The following RTN3 variants were observed in gnomAD, a reference collection of about 807,000 sequenced individuals.
RTN3 encodes the protein reticulon-3.
A neutral mutation model predicts 77.8 loss-of-function variants in RTN3; 49 were observed. The observed-to-expected ratio is 0.63, with a 90% CI of 0.50 to 0.80. RTN3 has a LOEUF of 0.80. Among genes scored for constraint, RTN3 ranks in the 30% least tolerant of loss-of-function variants. RTN3 has a pLI of 0.00. For synonymous variants in RTN3, 464 were observed against 446.9 expected (o/e 1.04, Z -0.48); for missense variants, 1,236 against 1,211.9 (o/e 1.02, Z -0.29).
intron 1 of RTN3, among the ~76,000 whole-genome samples, chr11:63,684,933 T>C (rs1249111625): frequency 6.6e-6 from 1 of 151,360 alleles, no homozygotes; most frequent in Non-Finnish European, 1.5e-5. Context: ...ATAATTTTTG[T>C]ACTTTTACTA....
intron 3 of RTN3, among the ~76,000 whole-genome samples, chr11:63,741,191 T>TTATG (rs2013445302): frequency 6.8e-6 from 1 of 147,792 alleles, no homozygotes; most frequent in Admixed American, 6.7e-5. Flanking sequence ...TTATAGTTAT[T>TTATG]TATTTATTTA....
chr11:63,731,660 TTTTA>T lies in RTN3; in HGVS notation c.2530+10632_2530+10635del, dbSNP rs555286726. Among the ~76,000 whole-genome samples the T allele has an allele frequency of 3.1e-3, 473 of 152,260 alleles. 2 individuals carry two copies. The highest frequency in any genetic ancestry group is 0.011 in the African/African-American group (457 of 41,548). On this transcript the variant is annotated intron_variant, in intron 3 of 8. Coordinates refer to ENST00000377819, the MANE Select transcript of RTN3 (RefSeq NM_001265589.2). ...TATATAGCTTTATTTATTTTTTATT[TTTTA>T]TTTTTTTGAGATGAACTCTCGCTCT...
At chr11:63,724,328 G>A (rs1406365081) in intron 3 of RTN3, among the ~76,000 whole-genome samples, 1 of 150,180 alleles carries the variant, frequency 6.7e-6, no homozygotes, top group Non-Finnish European at 1.5e-5. Context: ...GATTACGGGC[G>A]CCTGCTACCA....
At chr11:63,686,312 T>C (rs551963316) in intron 1 of RTN3, among the ~76,000 whole-genome samples, 3 of 151,078 alleles carry the variant, frequency 2.0e-5, no homozygotes, top group Non-Finnish European at 4.4e-5. Context: ...CTACTAAAAA[T>C]ACAAAAAATT....
chr11:63,713,335 T>G (rs2011219027), intron 2 of RTN3, among the ~76,000 whole-genome samples: 1 of 152,036 alleles, frequency 6.6e-6, no homozygotes, highest in Non-Finnish European at 1.5e-5. Flanking sequence ...CACCCCCCAT[T>G]TTTTGAAACA....
At chr11:63,753,987 A>G (rs1288202818) in intron 7 of RTN3, among the ~76,000 whole-genome samples, 1 of 152,166 alleles carries the variant, frequency 6.6e-6, no homozygotes, top group East Asian at 1.9e-4. Flanking sequence ...ATGCAAAAGT[A>G]ATAAGTTGAA....
chr11:63,719,860 C>T lies in RTN3; in HGVS notation c.1358C>T (p.Ser453Phe). Residue 453 changes from serine (S) to phenylalanine (F), a missense_variant, in exon 3 of 9, where the codon TCT (serine) becomes TTT (phenylalanine). By Grantham distance (155) the Ser-to-Phe change is radical. Coordinates refer to ENST00000377819, the MANE Select transcript of RTN3 (RefSeq NM_001265589.2). ...QDDTLAELPG[S>F]PPEKCDSLGS... is the part of the protein sequence containing the mutation. ...GACACACTTGCAGAATTACCTGGAT[C>T]TCCACCTGAGAAATGTGACTCTTTG... 4.3e-6 allele frequency: 7 copies of T among 1,614,162 alleles called. No individual in the cohort carries two copies. Among genetic ancestry groups the T allele is most frequent in the Middle Eastern group, 1.6e-4 (1 of 6,062 alleles).
chr11:63,728,126 A>C (rs1027537927), intron 3 of RTN3, among the ~76,000 whole-genome samples: 3 of 152,346 alleles, frequency 2.0e-5, no homozygotes, highest in Middle Eastern at 3.4e-3. Context: ...AAAATCTAGG[A>C]GAGATCAGAT....
rs545404114 is a variant in RTN3 at position 63,717,973 on chromosome 11, C to G, written c.200-729C>G. Among the ~76,000 whole-genome samples the G allele has an allele frequency of 8.6e-4, 129 of 150,208 alleles. 1 individual carries two copies. Among genetic ancestry groups the G allele is most frequent in the African/African-American group, 3.1e-3 (127 of 40,758 alleles). ...GAGGTTGCAGTGAGCTGAGATTGCG[C>G]CATTGCACTTCAGCCTGGGCAACAA... On this transcript the variant is annotated intron_variant, in intron 2 of 8. Coordinates refer to ENST00000377819, the MANE Select transcript of RTN3 (RefSeq NM_001265589.2).
At chr11:63,741,205 A>AT (rs200601507) in intron 3 of RTN3, among the ~76,000 whole-genome samples, 155 of 127,414 alleles carry the variant, frequency 1.2e-3, no homozygotes, top group East Asian at 1.8e-3. Flanking sequence ...TTATTTATTT[A>AT]TTTATTTATT....
intron 3 of RTN3, among the ~76,000 whole-genome samples, chr11:63,730,608 AC>A (rs1383837078): frequency 1.3e-5 from 2 of 152,084 alleles, no homozygotes; most frequent in Non-Finnish European, 2.9e-5. Context: ...ATAACCCTTA[AC>A]CCAACATAAC....
chr11:63,703,733 G>A (rs1203449263), intron 1 of RTN3, among the ~76,000 whole-genome samples: 8 of 151,306 alleles, frequency 5.3e-5, no homozygotes, highest in Non-Finnish European at 8.9e-5. Flanking sequence ...TCATAGAGAC[G>A]GGGTTTCACC....
rs1174978577 is a variant in RTN3 at position 63,758,333 on chromosome 11, G to A, written c.*132G>A. ...TTCCAAGCTTTTTTTTTAATTTGGT[G>A]TTTTCTCCCATCCTTTCCCTTTAAC... On this transcript the variant is annotated 3_prime_UTR_variant, in exon 9 of 9. Transcript: ENST00000377819. 1 of 1,611,850 alleles carries A rather than the reference G, an allele frequency of 6.2e-7. No individual in the cohort carries two copies. The highest frequency in any genetic ancestry group is 8.5e-7 in the Non-Finnish European group (1 of 1,179,632).
rs545821615 is a variant in RTN3 at position 63,696,541 on chromosome 11, C to T, written c.143-8310C>T. On this transcript the variant is annotated intron_variant, in intron 1 of 8. Coordinates refer to ENST00000377819, the MANE Select transcript of RTN3 (RefSeq NM_001265589.2). ...TGGATAACATAGTGGGGCCCTGTCA[C>T]TATTTTTTTTTTTTTTTTTTTGGAG... Among the ~76,000 whole-genome samples, 6 of 100,224 alleles carry T rather than the reference C, an allele frequency of 6.0e-5. No individual in the cohort carries two copies. The South Asian group carries it at 1.6e-3, about 27-fold the overall frequency. 65.8% of individuals were successfully genotyped at this position (100,224 alleles called of 152,430 possible). A position where few individuals can be genotyped will look rare whatever the true frequency, so the allele number is the denominator to read the frequency against.
At chr11:63,700,097 G>A (rs1485173784) in intron 1 of RTN3, among the ~76,000 whole-genome samples, 3 of 152,138 alleles carry the variant, frequency 2.0e-5, no homozygotes, top group African/African-American at 7.2e-5. Flanking sequence ...GGTGTTAGGT[G>A]AAGGTGAAAA....
chr11:63,721,018 T>C lies in RTN3; in HGVS notation c.2516T>C (p.Leu839Pro). ...LVKKHVLARLLTDFSVHDLIF... is the reference protein window; with the variant it reads ...LVKKHVLARLPTDFSVHDLIF... ...AAAAAGCATGTCCTAGCAAGACTTC[T>C]GACAGACTTCTCAGGTAACCATTTA... The change falls in exon 3 of 9, where the codon CTG (leucine) becomes CCG (proline). Residue 839 changes from leucine (L) to proline (P), a missense_variant. Leu to Pro is a moderately conservative substitution (Grantham distance 98). Coordinates refer to ENST00000377819, the MANE Select transcript of RTN3 (RefSeq NM_001265589.2). 6.3e-7 allele frequency: 1 copy of C among 1,596,110 alleles called. No homozygotes were observed. The highest frequency in any genetic ancestry group is 8.6e-7 in the Non-Finnish European group (1 of 1,169,446).
chr11:63,719,936 A>C lies in RTN3; in HGVS notation c.1434A>C (p.Lys478Asn), dbSNP rs139663525. The C allele has an allele frequency of 3.1e-6, 5 of 1,614,078 alleles. No homozygotes were observed. The highest frequency in any genetic ancestry group is 4.2e-6 in the Non-Finnish European group (5 of 1,180,032). ...VKVVLPDDHL[K>N]DEMDWQSSAL... ...TGGTTTTACCTGATGACCACCTGAA[A>C]GATGAAATGGACTGGCAGAGCTCTG... Residue 478 changes from lysine to asparagine, a missense_variant, in exon 3 of 9, where the codon AAA becomes AAC. This residue lies in a region of RTN3 where 1,056 missense variants were observed against 990.4 expected (regional missense o/e 1.07). Transcript: ENST00000377819.
At chr11:63,707,011 G>A (rs900048381) in intron 2 of RTN3, among the ~76,000 whole-genome samples, 3 of 150,778 alleles carry the variant, frequency 2.0e-5, no homozygotes, top group Non-Finnish European at 2.9e-5. Flanking sequence ...CAGTTCTCTC[G>A]CCTCAGCCTC....
intron 3 of RTN3, among the ~76,000 whole-genome samples, chr11:63,724,428 C>T (rs1187123895): frequency 7.3e-5 from 11 of 150,008 alleles, no homozygotes; most frequent in Non-Finnish European, 1.6e-4. Context: ...GGTGATCTGC[C>T]CACCTCGGCC....
Sources: allele counts gnomAD v4.1 joint callset (sites outside exome capture counted in the v4.1 genomes callset), GRCh38; gene constraint gnomAD v4.1.1; regional missense constraint gnomAD v4.1.1; transcripts MANE v1.5; gene names NCBI Gene and HGNC (gene_info 2026-07-23, HGNC 2026-07-21).